Variants in TMTC2 observed in about 807,000 individuals in gnomAD.
The protein encoded by TMTC2 is protein O-mannosyl-transferase TMTC2.
Under a neutral mutation model 82.4 loss-of-function variants are expected in TMTC2, and 43 were observed. The ratio of observed to expected loss-of-function variants is 0.52; its 90% CI spans 0.41 to 0.67. TMTC2 has a LOEUF of 0.67. TMTC2 is among the 30% of genes least tolerant of loss of function. The probability of loss-of-function intolerance (pLI) is 0.00; values close to 1 mark genes in which losing one functional copy is unlikely to be tolerated. For synonymous variants in TMTC2, 408 were observed against 381.9 expected (o/e 1.07, Z -0.80); for missense variants, 919 against 1,012.4 (o/e 0.91, Z 1.25).
intron 11 of TMTC2, among the ~76,000 whole-genome samples, chr12:83,112,425 C>A (rs1264541680): frequency 1.3e-5 from 2 of 152,072 alleles, no homozygotes; most frequent in African/African-American, 4.8e-5. Context: ...CTTAGATGAA[C>A]CAAAGAAGTT....
intron 9 of TMTC2, among the ~76,000 whole-genome samples, chr12:83,040,679 C>CTTTT (rs750327519): frequency 1.7e-4 from 21 of 124,208 alleles, no homozygotes; most frequent in South Asian, 2.6e-4. Flanking sequence ...CTGTCCTTTT[C>CTTTT]TTTTTTTTTT....
chr12:82,796,791 G>A (rs993320789), intron 1 of TMTC2, among the ~76,000 whole-genome samples: 2 of 152,052 alleles, frequency 1.3e-5, no homozygotes, highest in African/African-American at 2.4e-5. Flanking sequence ...TGACTGGGAT[G>A]TAAGTGCAGT....
In TMTC2 at chr12:82,947,223, A is replaced by G. The variant is rs184759071; in HGVS notation, c.1598+16678A>G. Among the ~76,000 whole-genome samples, 28 of 152,344 alleles carry G rather than the reference A, an allele frequency of 1.8e-4. No individual in the cohort carries two copies. In the East Asian group the frequency reaches 5.0e-3, roughly 27 times the overall value. On this transcript the variant is annotated intron_variant, in intron 4 of 11. Transcript: ENST00000321196. ...GTTTGAAATAAAATTTCTTTAGAAA[A>G]AAATCTCTAAATCTTCAAAGACCAA...
intron 1 of TMTC2, among the ~76,000 whole-genome samples, chr12:82,735,587 C>T (rs542807481): frequency 1.7e-4 from 26 of 151,860 alleles, no homozygotes; most frequent in Middle Eastern, 3.4e-3. Flanking sequence ...CCTTGTGATC[C>T]GCCCTCCTTG....
intron 1 of TMTC2, among the ~76,000 whole-genome samples, chr12:82,731,213 AT>A (rs1228493492): frequency 6.6e-6 from 1 of 152,260 alleles, no homozygotes; most frequent in Admixed American, 6.5e-5. Context: ...CACAACTTAA[AT>A]TTGCTGTGTA....
At position 82,808,109 on chromosome 12, in the gene TMTC2, CAG is replaced by C. The variant is rs1879326683; in HGVS notation, c.84-48900_84-48899del. Among the ~76,000 whole-genome samples, 3 of 151,924 alleles carry C rather than the reference CAG, an allele frequency of 2.0e-5. No individual in the cohort carries two copies. In the South Asian group the frequency reaches 6.2e-4, roughly 32 times the overall value. On this transcript the variant is annotated intron_variant, in intron 1 of 11. Transcript: ENST00000321196. ...TATCTTAAAAAAACTGTTTAAAAAA[CAG>C]TGGCTGCATCTCTGGGGATTAAAAA...
At chr12:82,911,850 T>C (rs1874683405) in intron 3 of TMTC2, among the ~76,000 whole-genome samples, 1 of 152,140 alleles carries the variant, frequency 6.6e-6, no homozygotes, top group Admixed American at 6.5e-5. Flanking sequence ...CCTCAAGTGA[T>C]CTGACCGCAT....
At chr12:82,706,910 C>T (rs1406098752) in intron 1 of TMTC2, among the ~76,000 whole-genome samples, 1 of 152,174 alleles carries the variant, frequency 6.6e-6, no homozygotes, top group Non-Finnish European at 1.5e-5. Flanking sequence ...CATCTCTGCT[C>T]ACAAATGTGT....
chr12:83,077,109 G>A (rs1883305906), intron 11 of TMTC2, among the ~76,000 whole-genome samples: 1 of 152,162 alleles, frequency 6.6e-6, no homozygotes, highest in South Asian at 2.1e-4. Flanking sequence ...AAAGACAGCT[G>A]GGAATTTATA....
intron 1 of TMTC2, among the ~76,000 whole-genome samples, chr12:82,775,957 C>A (rs546083152): frequency 6.6e-6 from 1 of 151,962 alleles, no homozygotes; most frequent in South Asian, 2.1e-4. Context: ...GTGTTCTTTC[C>A]TTTTGAGAGG....
At chr12:83,005,207 A>T (rs79062587) in intron 8 of TMTC2, among the ~76,000 whole-genome samples, 4 of 12,854 alleles carry the variant, frequency 3.1e-4, no homozygotes, top group African/African-American at 1.5e-3. Context: ...TTGTCTTATT[A>T]AAAAAAAAAA....
chr12:82,769,491 AAG>A (rs1877168055), intron 1 of TMTC2, among the ~76,000 whole-genome samples: 1 of 15,160 alleles, frequency 6.6e-5, no homozygotes, highest in South Asian at 4.8e-3. Context: ...AAAAAAGAAA[AAG>A]AAAAAAGATG....
intron 3 of TMTC2, among the ~76,000 whole-genome samples, chr12:82,915,717 G>A (rs1045302912): frequency 6.6e-6 from 1 of 152,116 alleles, no homozygotes; most frequent in African/African-American, 2.4e-5. Context: ...TCTTTCTAAG[G>A]GTTCTTCATC....
chr12:82,794,225 C>A (rs1296468335), intron 1 of TMTC2, among the ~76,000 whole-genome samples: 1 of 152,056 alleles, frequency 6.6e-6, no homozygotes, highest in Non-Finnish European at 1.5e-5. Context: ...TCCTGGGGCG[C>A]CCTCCTCTCT....
At chr12:82,833,173 A>G (rs1422320312) in intron 1 of TMTC2, among the ~76,000 whole-genome samples, 1 of 152,204 alleles carries the variant, frequency 6.6e-6, no homozygotes, top group Admixed American at 6.5e-5. Flanking sequence ...TTTTTTAATG[A>G]CAAAGTTGTT....
In TMTC2 at chr12:83,033,808, ATATG is replaced by A. The variant is rs1281877196; in HGVS notation, c.2152+2931_2152+2934del. Among the ~76,000 whole-genome samples, 10 of 139,248 alleles carry A rather than the reference ATATG, an allele frequency of 7.2e-5. No individual in the cohort carries two copies. The East Asian group carries it at 2.1e-3, about 29-fold the overall frequency. The allele number at this position is 139,248 out of a possible 152,430, so 91.4% of individuals were successfully genotyped here. On this transcript the variant is annotated intron_variant, in intron 9 of 11. Transcript: ENST00000321196. ...TATAAATATATATATATATACACAT[ATATG>A]TGTGTGTGTGTGTGTGTGTGTATAT...
intron 1 of TMTC2, among the ~76,000 whole-genome samples, chr12:82,841,186 T>G (rs920120245): frequency 6.6e-6 from 1 of 152,218 alleles, no homozygotes. Context: ...ATCATATATG[T>G]GTATATATCA....
At chr12:82,774,782 AC>A (rs1174662070) in intron 1 of TMTC2, among the ~76,000 whole-genome samples, 1 of 151,658 alleles carries the variant, frequency 6.6e-6, no homozygotes, top group Non-Finnish European at 1.5e-5. Context: ...GGTGGCACAC[AC>A]TTTTCTCTAA....
intron 1 of TMTC2, among the ~76,000 whole-genome samples, chr12:82,789,472 A>G (rs1878347021): frequency 6.6e-6 from 1 of 152,168 alleles, no homozygotes. Context: ...AGCAACATGA[A>G]CAATGGAAAG....
Sources: gnomAD v4.1 joint callset for allele counts (sites outside exome capture counted in the v4.1 genomes callset) on GRCh38, gnomAD v4.1.1 for gene constraint, MANE v1.5 for transcripts, NCBI Gene and HGNC (gene_info 2026-07-23, HGNC 2026-07-21) for gene names.